TMEM117: variants seen among roughly 807,000 people sequenced by gnomAD.
TMEM117 encodes the protein transmembrane protein 117.
TMEM117 carries 27 observed loss-of-function variants against 52.4 expected under a neutral mutation model. The ratio of observed to expected loss-of-function variants is 0.51; its 90% CI spans 0.38 to 0.71. TMEM117 has a LOEUF of 0.71. TMEM117 is among the 30% of genes least tolerant of loss of function. The pLI is 0.00. For missense variants in TMEM117, 556 were observed against 630.5 expected, an observed-to-expected ratio of 0.88 and a Z score of 1.26; for synonymous variants, 215 against 206.3, an observed-to-expected ratio of 1.04 and a Z score of -0.36.
chr12:44,028,338 A>G (rs1198793947), intron 3 of TMEM117, among the ~76,000 whole-genome samples: 1 of 152,234 alleles, frequency 6.6e-6, no homozygotes, highest in Non-Finnish European at 1.5e-5. Context: ...TTATTTTGTC[A>G]GAGGCATGTG....
At chr12:43,872,987 G>A (rs1943732446) in intron 2 of TMEM117, among the ~76,000 whole-genome samples, 1 of 152,142 alleles carries the variant, frequency 6.6e-6, no homozygotes, top group African/African-American at 2.4e-5. Context: ...CTAAAATGTA[G>A]GGGCAATATG....
intron 3 of TMEM117, among the ~76,000 whole-genome samples, chr12:43,956,174 A>G (rs562060013): frequency 6.6e-6 from 1 of 152,216 alleles, no homozygotes; most frequent in African/African-American, 2.4e-5. Flanking sequence ...TGTAAAACCC[A>G]AAACTATAAA....
intron 5 of TMEM117, among the ~76,000 whole-genome samples, chr12:44,253,877 C>CACACACACACA (rs1950224666): frequency 6.7e-6 from 1 of 148,384 alleles, no homozygotes; most frequent in African/African-American, 2.5e-5. Flanking sequence ...CACACACACA[C>CACACACACACA]CTTCTCTCTC....
chr12:44,032,858 T>G (rs1946654635), intron 3 of TMEM117, among the ~76,000 whole-genome samples: 1 of 152,112 alleles, frequency 6.6e-6, no homozygotes, highest in Non-Finnish European at 1.5e-5. Flanking sequence ...TGGATCTTCA[T>G]CCCTCTGCAA....
intron 5 of TMEM117, among the ~76,000 whole-genome samples, chr12:44,270,371 C>T (rs894078655): frequency 3.3e-5 from 5 of 151,952 alleles, no homozygotes; most frequent in Non-Finnish European, 7.4e-5. Flanking sequence ...TATTTATTTG[C>T]AGCTATTGTA....
Position 44,277,878 on chromosome 12 carries a change from C to T in TMEM117, c.609-21702C>T, listed in dbSNP as rs538828992. Among the ~76,000 whole-genome samples the T allele has an allele frequency of 2.0e-5, 3 of 151,246 alleles. 1 individual carries two copies. Among genetic ancestry groups the T allele is most frequent in the Non-Finnish European group, 4.4e-5 (3 of 67,926 alleles). On this transcript the variant is annotated intron_variant, in intron 5 of 7. Coordinates refer to ENST00000266534, the MANE Select transcript of TMEM117 (RefSeq NM_032256.3). Reference sequence around the variant, plus strand: ...TTCCGGGTTCAAGCGATTCTCCTGCCTCAGCCTCCTGAGTAGCTGGGATTA... The same window carrying T: ...TTCCGGGTTCAAGCGATTCTCCTGCTTCAGCCTCCTGAGTAGCTGGGATTA...
At chr12:43,885,595 T>C (rs1307415158) in intron 2 of TMEM117, among the ~76,000 whole-genome samples, 1 of 151,976 alleles carries the variant, frequency 6.6e-6, no homozygotes, top group African/African-American at 2.4e-5. Context: ...GGGAGTTTTC[T>C]TTTTAGGCAT....
chr12:43,845,110 C>T (rs1447330485), intron 2 of TMEM117, 182 bp downstream of exon 2: 12 of 629,044 alleles, frequency 1.9e-5, no homozygotes, highest in African/African-American at 1.9e-4. Context: ...GTTTACTTTT[C>T]CTACTGTCTA....
At chr12:44,193,385 T>C (rs1333914378) in intron 4 of TMEM117, among the ~76,000 whole-genome samples, 1 of 152,150 alleles carries the variant, frequency 6.6e-6, no homozygotes, top group Non-Finnish European at 1.5e-5. Context: ...GTAAAGGATA[T>C]CTTTAGAGAC....
intron 3 of TMEM117, among the ~76,000 whole-genome samples, chr12:44,038,835 A>T (rs1226423717): frequency 6.6e-6 from 1 of 152,088 alleles, no homozygotes; most frequent in Non-Finnish European, 1.5e-5. Context: ...ATGTGTTGTG[A>T]ATGTTTTCTG....
intron 3 of TMEM117, among the ~76,000 whole-genome samples, chr12:43,972,344 T>G (rs550791286): frequency 4.0e-4 from 61 of 152,310 alleles, no homozygotes; most frequent in South Asian, 3.7e-3. Flanking sequence ...GTTCTTCATC[T>G]CACTGACTTC....
chr12:44,361,965 A>G (rs1038872928), intron 6 of TMEM117, among the ~76,000 whole-genome samples: 3 of 152,172 alleles, frequency 2.0e-5, no homozygotes, highest in African/African-American at 2.4e-5. Context: ...TTGTATTTCT[A>G]AGATCTAGCA....
chr12:43,863,087 A>G (rs565587125), intron 2 of TMEM117, among the ~76,000 whole-genome samples: 5 of 152,168 alleles, frequency 3.3e-5, no homozygotes, highest in Non-Finnish European at 7.4e-5. Context: ...CTCTACTGAA[A>G]TACAGAAAAT....
intron 5 of TMEM117, among the ~76,000 whole-genome samples, chr12:44,263,306 C>T (rs141869156): frequency 0.011 from 1,645 of 152,172 alleles, 11 homozygotes; most frequent in African/African-American, 0.019. Context: ...AATGAGATAC[C>T]ATCTCACGCC....
chr12:44,243,305 A>G (rs1417541635), intron 5 of TMEM117, among the ~76,000 whole-genome samples: 1 of 151,956 alleles, frequency 6.6e-6, no homozygotes, highest in African/African-American at 2.4e-5. Flanking sequence ...AATAGAACTA[A>G]TGTCTTTATA....
intron 3 of TMEM117, among the ~76,000 whole-genome samples, chr12:44,070,193 C>A (rs564165255): frequency 6.6e-6 from 1 of 152,154 alleles, no homozygotes; most frequent in Admixed American, 6.5e-5. Context: ...ACCTGGTCCC[C>A]AGACTCCTTT....
intron 3 of TMEM117, among the ~76,000 whole-genome samples, chr12:44,025,190 A>C (rs1456767622): frequency 6.6e-6 from 1 of 152,188 alleles, no homozygotes; most frequent in Non-Finnish European, 1.5e-5. Context: ...GATGTGAATT[A>C]AAGACTCCAT....
At chr12:44,375,706 A>T (rs969403955) in intron 6 of TMEM117, among the ~76,000 whole-genome samples, 1 of 152,330 alleles carries the variant, frequency 6.6e-6, no homozygotes, top group Non-Finnish European at 1.5e-5. Context: ...TTAACTAAAT[A>T]TAGGACTGAT....
At chr12:44,107,918 A>G (rs1478534770) in intron 3 of TMEM117, among the ~76,000 whole-genome samples, 4 of 152,168 alleles carry the variant, frequency 2.6e-5, no homozygotes, top group African/African-American at 4.8e-5. Context: ...CACTGAACCA[A>G]TTGAATAACA....
Sources: allele counts gnomAD v4.1 joint callset (sites outside exome capture counted in the v4.1 genomes callset), GRCh38; gene constraint gnomAD v4.1.1; transcripts MANE v1.5; gene names NCBI Gene and HGNC (gene_info 2026-07-23, HGNC 2026-07-21).